CNP: variants seen among roughly 807,000 people sequenced by gnomAD.
CNP encodes the protein 2',3'-cyclic-nucleotide 3'-phosphodiesterase.
Under a neutral mutation model 37.9 loss-of-function variants are expected in CNP, and 8 were observed. The observed-to-expected ratio is 0.21, with a 90% confidence interval of 0.12 to 0.38. CNP has a LOEUF of 0.38. Ranked by LOEUF, CNP falls within the 10% of genes least tolerant of loss-of-function variation. CNP has a pLI of 1.00. For synonymous variants in CNP, 237 were observed against 238.3 expected (o/e 0.99, Z 0.05); for missense variants, 457 against 551.0 (o/e 0.83, Z 1.71).
In CNP at chr17:41,975,904, A is replaced by G. The variant is rs1555644667; in HGVS notation, c.*1980A>G. ...CATCCGTGAGCAGTGTGTCTCCTGC[A>G]TGCAGAAAGGGAGCAGAGAAGGCCA... On this transcript the variant is annotated 3_prime_UTR_variant, in exon 4 of 4. Coordinates refer to ENST00000393892, the MANE Select transcript of CNP (RefSeq NM_033133.5). 6.6e-6 allele frequency: 1 copy of G among 152,328 alleles called. No homozygotes were observed. Among genetic ancestry groups the G allele is most frequent in the Non-Finnish European group, 1.5e-5 (1 of 68,134 alleles). 9.4% of individuals were successfully genotyped at this position (152,328 alleles called of 1,614,324 possible). A position where few individuals can be genotyped will look rare whatever the true frequency, so the allele number is the denominator to read the frequency against.
rs1212744697 is a variant in CNP at position 41,973,898 on chromosome 17, G to A, written c.1240G>A (p.Ala414Thr). ...CACGCAAGGTAGCCGGAAGGGGGGC[G>A]CCTTGCAGTCCTGCACCATCATATG... ...VPTQGSRKGG[A>T]LQSCTII The change falls in exon 4 of 4, where the codon GCC becomes ACC. Residue 414 changes from alanine (A) to threonine (T), a missense_variant. Ala to Thr is a moderately conservative substitution (Grantham distance 58, BLOSUM62 0). Coordinates refer to ENST00000393892, the MANE Select transcript of CNP (RefSeq NM_033133.5). The A allele has an allele frequency of 1.9e-6, 3 of 1,557,900 alleles. No homozygotes were observed. The highest frequency in any genetic ancestry group is 1.4e-5 in the African/African-American group (1 of 73,968).
Position 41,977,185 on chromosome 17 carries a change from C to G in CNP, c.*3261C>G. 6.8e-7 allele frequency: 1 copy of G among 1,465,798 alleles called. No individual in the cohort carries two copies. Among genetic ancestry groups the G allele is most frequent in the East Asian group, 2.5e-5 (1 of 40,462 alleles). 90.8% of individuals were successfully genotyped at this position (1,465,798 alleles called of 1,614,324 possible). On this transcript the variant is annotated 3_prime_UTR_variant, in exon 4 of 4. Coordinates refer to ENST00000393892, the MANE Select transcript of CNP (RefSeq NM_033133.5). ...CCCCGCTCATGGGCCCCTCTGACTC[C>G]CAAAGAGCTGCCTAAGAGGCAATGA...
rs1178122516 is a variant in CNP, at chr17:41,966,828, G to A, written c.-57G>A. On this transcript the variant is annotated 5_prime_UTR_variant, in exon 1 of 4. Coordinates refer to ENST00000393892, the MANE Select transcript of CNP (RefSeq NM_033133.5). Reference sequence around the variant, plus strand: ...ACTCCCGTGTCCCTCCGCGCAGGCGGGCGGCCCCGGAGCGCTGGTGCCGGC... The same window carrying A: ...ACTCCCGTGTCCCTCCGCGCAGGCGAGCGGCCCCGGAGCGCTGGTGCCGGC... 2.3e-5 allele frequency: 32 copies of A among 1,378,874 alleles called. No homozygotes were observed. The highest frequency in any genetic ancestry group is 3.2e-5 in the Admixed American group (1 of 31,376). The allele number at this position is 1,378,874 out of a possible 1,614,324, so 85.4% of individuals were successfully genotyped here. A position where few individuals can be genotyped will look rare whatever the true frequency, so the allele number is the denominator to read the frequency against.
At chr17:41,967,659 CCTT>C (rs2050921220) in intron 1 of CNP, 2 of 1,026,200 alleles carry the variant, frequency 1.9e-6, no homozygotes, top group Non-Finnish European at 2.3e-6. Flanking sequence ...TTGGGGTAAC[CCTT>C]CTCCACTCCC....
intron 2 of CNP, among the ~76,000 whole-genome samples, chr17:41,969,837 T>G (rs1205109401): frequency 6.6e-6 from 1 of 152,198 alleles, no homozygotes; most frequent in African/African-American, 2.4e-5. Context: ...ATTACAGGCG[T>G]GAGCCACCAC....
In CNP at chr17:41,968,429, A is replaced by T; in HGVS notation, c.365A>T (p.Asp122Val). The T allele has an allele frequency of 6.2e-7, 1 of 1,614,160 alleles. No individual in the cohort carries two copies. The change falls in exon 2 of 4, where the codon GAT becomes GTT. Residue 122 changes from aspartate to valine, a missense_variant. This residue lies in a region of CNP where 166 missense variants were observed against 259.3 expected (regional missense o/e 0.64). Transcript: ENST00000393892. The surrounding 1 kb of genome is among the most constrained non-coding windows in gnomAD (Gnocchi z 4.8). ...RRRDIRILVL[D>V]DTNHERERLE... ...CGGGACATCAGAATTCTTGTGCTTG[A>T]TGACACCAACCACGAACGGGAACGG... is the stretch of plus-strand genomic sequence containing the variant.
chr17:41,971,822 G>C, intron 2 of CNP, 70 bp from the exon 3 acceptor site: 4 of 1,595,784 alleles, frequency 2.5e-6, no homozygotes, highest in Non-Finnish European at 3.4e-6. Context: ...CTGGGCCTCG[G>C]TGGTCCTGGT....
At position 41,976,691 on chromosome 17, in the gene CNP, G is replaced by T; in HGVS notation, c.*2767G>T. ...CTGTTTCCACATTCAAGATTAAACT[G>T]AGTGAATCTGCATTTTCTGGGTTCT... On this transcript the variant is annotated 3_prime_UTR_variant, in exon 4 of 4. Coordinates refer to ENST00000393892, the MANE Select transcript of CNP (RefSeq NM_033133.5). 1 of 1,604,136 alleles carries T rather than the reference G, an allele frequency of 6.2e-7. No individual in the cohort carries two copies.
At chr17:41,967,201 G>A (rs113869653) in intron 1 of CNP, 3 of 292,230 alleles carry the variant, frequency 1.0e-5, no homozygotes, top group Non-Finnish European at 1.9e-5. Flanking sequence ...ACGCAGGCCC[G>A]CGCTGGGGCA....
chr17:41,973,427 A>G (rs1555644135), intron 3 of CNP, 48 bp from the exon 4 acceptor site: 5 of 1,560,606 alleles, frequency 3.2e-6, no homozygotes, highest in Non-Finnish European at 4.4e-6. Flanking sequence ...GCTGTTCCTC[A>G]AGAGCCTGCC....
intron 2 of CNP, 39 bp from the exon 3 acceptor site, chr17:41,971,852 CT>C (rs782031149): frequency 1.9e-6 from 3 of 1,611,708 alleles, no homozygotes; most frequent in Non-Finnish European, 2.5e-6. Context: ...TGGTATGCCC[CT>C]GCTCCCCTGC....
chr17:41,976,540 T>A lies in CNP; in HGVS notation c.*2616T>A. 6.5e-4 allele frequency: 288 copies of A among 442,020 alleles called. No homozygotes were observed. Among genetic ancestry groups the A allele is most frequent in the East Asian group, 1.5e-3 (24 of 15,724 alleles). 27.4% of individuals were successfully genotyped at this position (442,020 alleles called of 1,614,324 possible). A position where few individuals can be genotyped will look rare whatever the true frequency, so the allele number is the denominator to read the frequency against. ...GCCTCCCTGTCCACCCCCGCCTCCC[T>A]CCCCTGCCCTCGGTCTTCGGCATTG... On this transcript the variant is annotated 3_prime_UTR_variant, in exon 4 of 4. Transcript: ENST00000393892.
Position 41,976,817 on chromosome 17 carries a change from G to A in CNP, c.*2893G>A, listed in dbSNP as rs1567950844. 2 of 1,596,010 alleles carry A rather than the reference G, an allele frequency of 1.3e-6. No homozygotes were observed. On this transcript the variant is annotated 3_prime_UTR_variant, in exon 4 of 4. Transcript: ENST00000393892. ...GGTAGTTGGCTATGGATTTTCTAAG[G>A]AAGATCACTTTGCTCTGATTATGGA... is the stretch of plus-strand genomic sequence containing the variant.
chr17:41,966,988 T>C, intron 1 of CNP, 101 bp downstream of exon 1: 1 of 1,221,870 alleles, frequency 8.2e-7, no homozygotes. Flanking sequence ...GACCCGGGGC[T>C]CCGGGTTCGA....
chr17:41,967,114 C>G (rs959529416), intron 1 of CNP: 7 of 426,386 alleles, frequency 1.6e-5, no homozygotes, highest in Middle Eastern at 5.7e-4. Flanking sequence ...GGAGGGAACT[C>G]GGGACCGCAG....
At position 41,966,850 on chromosome 17, in the gene CNP, C is replaced by G; in HGVS notation, c.-35C>G. 4 of 1,369,268 alleles carry G rather than the reference C, an allele frequency of 2.9e-6. No individual in the cohort carries two copies. The highest frequency in any genetic ancestry group is 3.3e-5 in the Admixed American group (1 of 30,174). The allele number at this position is 1,369,268 out of a possible 1,614,324, so 84.8% of individuals were successfully genotyped here. A position where few individuals can be genotyped will look rare whatever the true frequency, so the allele number is the denominator to read the frequency against. On this transcript the variant is annotated 5_prime_UTR_variant, in exon 1 of 4. Coordinates refer to ENST00000393892, the MANE Select transcript of CNP (RefSeq NM_033133.5). Reference sequence around the variant, plus strand: ...GCGGGCGGCCCCGGAGCGCTGGTGCCGGCAGAGGCGGCGACGGTGGCGCCC... The same window carrying G: ...GCGGGCGGCCCCGGAGCGCTGGTGCGGGCAGAGGCGGCGACGGTGGCGCCC...
rs1174981752 is a variant in CNP, at chr17:41,973,394, C to T, written c.817-81C>T. The T allele has an allele frequency of 2.9e-6, 4 of 1,380,980 alleles. No individual in the cohort carries two copies. In the African/African-American group the frequency reaches 4.3e-5, roughly 15 times the overall value. The allele number at this position is 1,380,980 out of a possible 1,614,324, so 85.5% of individuals were successfully genotyped here. A position where few individuals can be genotyped will look rare whatever the true frequency, so the allele number is the denominator to read the frequency against. ...CTGTTAGACTTCCCCTTCTCTCCTCCAGGAGGGACCCTCCCTGGGTCAGCT... is the reference window on the plus strand; with the variant it reads ...CTGTTAGACTTCCCCTTCTCTCCTCTAGGAGGGACCCTCCCTGGGTCAGCT... On this transcript the variant is annotated intron_variant, in intron 3 of 3. Transcript: ENST00000393892.
chr17:41,973,831 G>C lies in CNP; in HGVS notation c.1173G>C (p.Arg391Ser). 6.2e-7 allele frequency: 1 copy of C among 1,610,748 alleles called. No individual in the cohort carries two copies. The highest frequency in any genetic ancestry group is 8.5e-7 in the Non-Finnish European group (1 of 1,178,334). The change falls in exon 4 of 4, where the codon AGG becomes AGC. Residue 391 changes from arginine (R) to serine (S), a missense_variant. Arg to Ser is a moderately radical substitution (Grantham distance 110). Transcript: ENST00000393892. ...CCCTGGCCAAGAACATGGAGGTCAG[G>C]GCCATCTTCACGGGGTACTACGGGA... ...MLTLAKNMEV[R>S]AIFTGYYGKG...
At chr17:41,967,949 A>G in intron 1 of CNP, 119 bp from the exon 2 acceptor site, 1 of 1,499,450 alleles carries the variant, frequency 6.7e-7, no homozygotes, top group Non-Finnish European at 8.9e-7. Context: ...CGAAAGGGAA[A>G]GAAGGTCCAG....
Sources: allele counts gnomAD v4.1 joint callset (sites outside exome capture counted in the v4.1 genomes callset), GRCh38; gene constraint gnomAD v4.1.1; regional missense constraint gnomAD v4.1.1; non-coding constraint Gnocchi (gnomAD v3.1); transcripts MANE v1.5; gene names NCBI Gene and HGNC (gene_info 2026-07-23, HGNC 2026-07-21).